The following OR2C1 variants were observed in gnomAD, a reference collection of about 807,000 sequenced individuals.
OR2C1 encodes olfactory receptor 2C1.
For synonymous variants in OR2C1, 209 were observed against 167.3 expected (o/e 1.25, Z -1.92); for missense variants, 468 against 388.3 (o/e 1.21, Z -1.73).
rs1316299706 is a variant in OR2C1 at position 3,356,574 on chromosome 16, A to G, written c.634A>G (p.Ser212Gly). The G allele has an allele frequency of 1.9e-6, 3 of 1,614,040 alleles. No individual in the cohort carries two copies. The change falls in exon 1 of 1, where the codon AGC (serine) becomes GGC (glycine). Residue 212 changes from serine to glycine, a missense_variant. Coordinates refer to ENST00000304936, the MANE Select transcript of OR2C1 (RefSeq NM_012368.3). ...VCTFFTAVPL[S>G]IIVISYCLIA... ...CACCTTCTTCACTGCAGTCCCACTA[A>G]GCATCATCGTGATCTCCTACTGCCT...
chr16:3,324,146 C>T, the OR2C1 span, among the ~76,000 whole-genome samples: 1 of 152,022 alleles, frequency 6.6e-6, no homozygotes, highest in African/African-American at 2.4e-5. Flanking sequence ...TATTTAGTAG[C>T]ATAGGGAACA....
chr16:3,342,617 C>T, the OR2C1 span, among the ~76,000 whole-genome samples: 16 of 152,144 alleles, frequency 1.1e-4, no homozygotes, highest in African/African-American at 2.2e-4. Context: ...CAGTGACTCA[C>T]GCCCGTAATG....
At chr16:3,344,617 C>T in the OR2C1 span, among the ~76,000 whole-genome samples, 1 of 152,104 alleles carries the variant, frequency 6.6e-6, no homozygotes, top group Non-Finnish European at 1.5e-5. Context: ...GTCCCAGCTA[C>T]TCGGGAGGCT....
the OR2C1 span, among the ~76,000 whole-genome samples, chr16:3,341,152 A>T: frequency 6.6e-6 from 1 of 151,958 alleles, no homozygotes; most frequent in South Asian, 2.1e-4. Context: ...TCAGTGTACA[A>T]GTCTTTCATC....
chr16:3,356,195 A>T lies in OR2C1; in HGVS notation c.255A>T (p.Leu85Phe). ...TSSVPQMLINLWGPGKTISYG... is the reference protein window; with the variant it reads ...TSSVPQMLINFWGPGKTISYG... ...CAGTCCCCCAAATGCTGATCAATTTATGGGGACCAGGCAAGACCATCAGCT... is the reference window on the plus strand; with the variant it reads ...CAGTCCCCCAAATGCTGATCAATTTTTGGGGACCAGGCAAGACCATCAGCT... The change falls in exon 1 of 1, where the codon TTA becomes TTT. Residue 85 changes from leucine (L) to phenylalanine (F), a missense_variant. Coordinates refer to ENST00000304936, the MANE Select transcript of OR2C1 (RefSeq NM_012368.3). The T allele has an allele frequency of 6.2e-7, 1 of 1,614,174 alleles. No homozygotes were observed. The highest frequency in any genetic ancestry group is 8.5e-7 in the Non-Finnish European group (1 of 1,180,032).
the OR2C1 span, among the ~76,000 whole-genome samples, chr16:3,347,357 T>C: frequency 6.6e-6 from 1 of 151,556 alleles, no homozygotes; most frequent in East Asian, 1.9e-4. Context: ...ATTGCACCAC[T>C]GCACTCCAGC....
the OR2C1 span, among the ~76,000 whole-genome samples, chr16:3,348,456 C>A: frequency 6.6e-6 from 1 of 152,186 alleles, no homozygotes; most frequent in African/African-American, 2.4e-5. Context: ...GAATACCTCT[C>A]AGCCTGAGTT....
At chr16:3,323,274 G>T in the OR2C1 span, 1 of 844,966 alleles carries the variant, frequency 1.2e-6, no homozygotes, top group Non-Finnish European at 2.0e-6. Flanking sequence ...TGTATTTTTG[G>T]TAGCATGATG....
At chr16:3,350,359 G>A in the OR2C1 span, among the ~76,000 whole-genome samples, 2 of 151,180 alleles carry the variant, frequency 1.3e-5, no homozygotes, top group Non-Finnish European at 2.9e-5. Context: ...CCAGCCCAAA[G>A]GGAAATTTTT....
In OR2C1 at chr16:3,356,201, A is replaced by G. The variant is rs749416431; in HGVS notation, c.261A>G (p.Gly87=). 1 of 1,614,150 alleles carries G rather than the reference A, an allele frequency of 6.2e-7. No individual in the cohort carries two copies. The part of the protein sequence containing the change: ...SVPQMLINLW[G]PGKTISYGGC... ...CCCAAATGCTGATCAATTTATGGGG[A>G]CCAGGCAAGACCATCAGCTATGGTG... Residue 87 remains glycine (G), a synonymous_variant, in exon 1 of 1, where the codon GGA becomes GGG. Coordinates refer to ENST00000304936, the MANE Select transcript of OR2C1 (RefSeq NM_012368.3).
At chr16:3,327,601 G>C in the OR2C1 span, among the ~76,000 whole-genome samples, 1 of 151,032 alleles carries the variant, frequency 6.6e-6, no homozygotes, top group Admixed American at 6.7e-5. Context: ...TGGTCCGGAA[G>C]GGATACTAGA....
the OR2C1 span, among the ~76,000 whole-genome samples, chr16:3,336,270 C>G: frequency 2.6e-5 from 4 of 152,224 alleles, no homozygotes; most frequent in South Asian, 8.3e-4. Flanking sequence ...GGTGAACGAT[C>G]TTTTTAATGT....
chr16:3,357,609 A>G (rs2030703214), downstream of OR2C1, among the ~76,000 whole-genome samples: 1 of 152,188 alleles, frequency 6.6e-6, no homozygotes, highest in African/African-American at 2.4e-5. Context: ...CTTGGCCTCA[A>G]GTAATCTTCC....
upstream of OR2C1, among the ~76,000 whole-genome samples, chr16:3,352,734 CTTTCT>C (rs887179375): frequency 1.0e-4 from 10 of 98,222 alleles, no homozygotes; most frequent in Admixed American, 1.4e-4. Context: ...CTGTTTCTTT[CTTTCT>C]TTTTTTTTTT....
chr16:3,349,753 G>C, the OR2C1 span, among the ~76,000 whole-genome samples: 1 of 151,760 alleles, frequency 6.6e-6, no homozygotes, highest in Non-Finnish European at 1.5e-5. Flanking sequence ...ACTGATTTTG[G>C]GGGCCAGGCG....
chr16:3,326,204 C>T, the OR2C1 span, among the ~76,000 whole-genome samples: 6 of 152,082 alleles, frequency 3.9e-5, no homozygotes, highest in Non-Finnish European at 4.4e-5. Flanking sequence ...GCTGGGATTA[C>T]AGGCGTGAGC....
At chr16:3,336,474 G>A in the OR2C1 span, among the ~76,000 whole-genome samples, 4 of 150,494 alleles carry the variant, frequency 2.7e-5, no homozygotes, top group Non-Finnish European at 5.9e-5. Flanking sequence ...CAATTCTCCT[G>A]CCTCAGCCTC....
At chr16:3,335,095 A>T in the OR2C1 span, among the ~76,000 whole-genome samples, 2 of 152,336 alleles carry the variant, frequency 1.3e-5, no homozygotes, top group East Asian at 3.9e-4. Flanking sequence ...CTGGGATTAC[A>T]GGCGTGAGCC....
chr16:3,341,621 C>G, the OR2C1 span, among the ~76,000 whole-genome samples: 1 of 152,120 alleles, frequency 6.6e-6, no homozygotes, highest in African/African-American at 2.4e-5. Context: ...TCACAAAATT[C>G]TAGTTTATTG....
Sources: gnomAD v4.1 joint callset for allele counts (sites outside exome capture counted in the v4.1 genomes callset) on GRCh38, gnomAD v4.1.1 for gene constraint, MANE v1.5 for transcripts, NCBI Gene and HGNC (gene_info 2026-07-23, HGNC 2026-07-21) for gene names.